CHM: variants seen among roughly 807,000 people sequenced by gnomAD.
CHM encodes rab proteins geranylgeranyltransferase component A 1.
CHM carries 10 observed loss-of-function variants against 49.0 expected under a neutral mutation model. That is an observed-to-expected ratio of 0.20 (90% CI 0.13 to 0.35). CHM has a LOEUF of 0.35. Among genes scored for constraint, CHM ranks in the 10% least tolerant of loss-of-function variants. The pLI, the probability that CHM is intolerant of heterozygous loss-of-function variation, is 1.00. For missense variants in CHM, 455 were observed against 478.4 expected (o/e 0.95, Z 0.46); for synonymous variants, 184 against 167.5 (o/e 1.10, Z -0.76).
At chrX:85,951,168 T>A (rs1171692632) in intron 8 of CHM, among the ~76,000 whole-genome samples, 12 of 112,025 alleles carry the variant, frequency 1.1e-4, no homozygotes. Context: ...GATGAATACT[T>A]AATTCACGGA....
In CHM at chrX:85,862,306, T is replaced by C. The variant is rs1923395804; in HGVS notation, c.*2324A>G. ...GATTGTCTGTTTACATGAATGTGCA[T>C]GCTGCATTCAAGCGGCTTTAACTCT... On this transcript the variant is annotated 3_prime_UTR_variant, in exon 15 of 15. Transcript: ENST00000357749. 1 of 112,482 alleles carries C rather than the reference T, an allele frequency of 8.9e-6. No individual in the cohort carries two copies. The highest frequency in any genetic ancestry group is 3.2e-5 in the African/African-American group (1 of 30,907). 9.3% of individuals were successfully genotyped at this position (112,482 alleles called of 1,213,427 possible).
chrX:85,927,215 AT>A (rs1174486923), intron 8 of CHM, among the ~76,000 whole-genome samples: 1 of 111,743 alleles, frequency 8.9e-6, no homozygotes, highest in African/African-American at 3.3e-5. Flanking sequence ...ACAGTCTTGG[AT>A]TTTTTTTAAA....
At chrX:86,021,134 A>G (rs1259049278) in intron 2 of CHM, among the ~76,000 whole-genome samples, 16 of 32,445 alleles carry the variant, frequency 4.9e-4, no homozygotes, top group African/African-American at 1.5e-3. Flanking sequence ...ACGTATATAT[A>G]TATATATATA....
intron 8 of CHM, among the ~76,000 whole-genome samples, chrX:85,954,173 G>A (rs1358554559): frequency 8.9e-6 from 1 of 112,224 alleles, no homozygotes; most frequent in African/African-American, 3.2e-5. Context: ...ATATAAAAAG[G>A]TGTTCAACAT....
chrX:85,965,373 A>T (rs1481644275), intron 4 of CHM, among the ~76,000 whole-genome samples: 3 of 111,867 alleles, frequency 2.7e-5, no homozygotes, highest in African/African-American at 9.8e-5. Flanking sequence ...CCTTGCATGT[A>T]TTTATCCATT....
At chrX:86,033,221 A>G (rs1934110121) in intron 1 of CHM, among the ~76,000 whole-genome samples, 1 of 111,764 alleles carries the variant, frequency 8.9e-6, no homozygotes, top group East Asian at 2.8e-4. Context: ...ACACGAGATA[A>G]ACATAAAATA....
intron 4 of CHM, among the ~76,000 whole-genome samples, chrX:85,965,015 T>C (rs1421151658): frequency 2.0e-5 from 2 of 100,714 alleles, no homozygotes; most frequent in Non-Finnish European, 4.2e-5. Flanking sequence ...TTATATCAAA[T>C]ACCCCACAAA....
At chrX:85,929,893 G>C (rs1305080638) in intron 8 of CHM, among the ~76,000 whole-genome samples, 1 of 110,464 alleles carries the variant, frequency 9.1e-6, no homozygotes. Context: ...CTTGAGGTCA[G>C]GAGTTCGAGA....
At chrX:85,879,287 A>C (rs1474442455) in intron 12 of CHM, among the ~76,000 whole-genome samples, 7 of 111,279 alleles carry the variant, frequency 6.3e-5, no homozygotes, top group Non-Finnish European at 1.3e-4. Context: ...TCATTTATTC[A>C]CAGAAAAGAG....
chrX:86,045,940 T>C, intron 1 of CHM, among the ~76,000 whole-genome samples: 1 of 112,479 alleles, frequency 8.9e-6, no homozygotes. Context: ...CCATTGGCTC[T>C]TTCCAGCTCT....
chrX:85,902,375 A>G (rs892140194), intron 9 of CHM, among the ~76,000 whole-genome samples: 3 of 111,976 alleles, frequency 2.7e-5, no homozygotes, highest in African/African-American at 9.7e-5. Context: ...GTATTTCCTA[A>G]AGGCAGATTA....
At chrX:86,041,939 C>T (rs947939780) in intron 1 of CHM, among the ~76,000 whole-genome samples, 54 of 109,307 alleles carry the variant, frequency 4.9e-4, no homozygotes, top group African/African-American at 1.6e-3. Context: ...GGACTATGGA[C>T]ATCCTGTGAT....
At chrX:85,875,495 T>G (rs1295344734) in intron 13 of CHM, among the ~76,000 whole-genome samples, 1 of 111,238 alleles carries the variant, frequency 9.0e-6, no homozygotes, top group East Asian at 2.8e-4. Context: ...GAAAAGCAAC[T>G]ATAGCACAAC....
intron 4 of CHM, among the ~76,000 whole-genome samples, chrX:85,966,705 A>G (rs1458865905): frequency 1.8e-5 from 2 of 112,140 alleles, no homozygotes; most frequent in Non-Finnish European, 3.8e-5. Context: ...CTCTTAAAGC[A>G]AAAGTTCCAT....
chrX:85,876,308 T>C (rs1375894345), intron 13 of CHM, among the ~76,000 whole-genome samples: 1 of 111,591 alleles, frequency 9.0e-6, no homozygotes, highest in Non-Finnish European at 1.9e-5. Flanking sequence ...GCCCAAATAA[T>C]GTTATTCCTT....
chrX:85,972,566 G>A (rs1930995757), intron 4 of CHM, among the ~76,000 whole-genome samples: 1 of 113,019 alleles, frequency 8.8e-6, no homozygotes, highest in African/African-American at 3.2e-5. Context: ...GCACTGCTGG[G>A]GGACCCAGTA....
chrX:85,972,748 C>T (rs949582141), intron 4 of CHM, among the ~76,000 whole-genome samples: 1 of 112,153 alleles, frequency 8.9e-6, no homozygotes, highest in Non-Finnish European at 1.9e-5. Flanking sequence ...TCCCTCGACA[C>T]CTCCCTGCAA....
intron 1 of CHM, among the ~76,000 whole-genome samples, chrX:86,041,917 AG>A (rs1934482762): frequency 1.8e-5 from 2 of 109,551 alleles, no homozygotes; most frequent in South Asian, 7.8e-4. Context: ...AGATTTTGGA[AG>A]TACACAGGGA....
rs181885998 is a variant in CHM, at chrX:85,915,033, A to T, written c.1167-3695T>A. 8.1e-5 allele frequency among the ~76,000 whole-genome samples: 9 copies of T among 110,795 alleles called. No homozygotes were observed. In the East Asian group the frequency reaches 1.7e-3, roughly 21 times the overall value. ...AAACAAACCTTCAAAAAAATAAAAA[A>T]ATATAAAAGCAAAAAACCCATATAA... On this transcript the variant is annotated intron_variant, in intron 8 of 14. Coordinates refer to ENST00000357749, the MANE Select transcript of CHM (RefSeq NM_000390.4).
Sources: allele counts gnomAD v4.1 joint callset (sites outside exome capture counted in the v4.1 genomes callset), GRCh38; gene constraint gnomAD v4.1.1; transcripts MANE v1.5; gene names NCBI Gene and HGNC (gene_info 2026-07-23, HGNC 2026-07-21).